Variants in FANCL observed in about 807,000 individuals in gnomAD.
FANCL encodes the protein FA complementation group L.
Under a neutral mutation model 59.4 loss-of-function variants are expected in FANCL, and 69 were observed. The ratio of observed to expected loss-of-function variants is 1.16; its 90% CI spans 0.96 to 1.42. The LOEUF (loss-of-function observed/expected upper bound fraction) is 1.42. FANCL is among the 40% of genes most tolerant of loss of function. The pLI is 0.00. For synonymous variants in FANCL, 180 were observed against 147.1 expected (o/e 1.22, Z -1.62); for missense variants, 519 against 447.2 (o/e 1.16, Z -1.45).
At chr2:58,199,429 T>C (rs891955574) in intron 6 of FANCL, among the ~76,000 whole-genome samples, 8 of 152,174 alleles carry the variant, frequency 5.3e-5, no homozygotes, top group Admixed American at 2.0e-4. Flanking sequence ...TGAATACATA[T>C]AGCTGTCAAT....
intron 7 of FANCL, among the ~76,000 whole-genome samples, chr2:58,179,825 A>G (rs1374018051): frequency 6.6e-6 from 1 of 152,192 alleles, no homozygotes; most frequent in Non-Finnish European, 1.5e-5. Flanking sequence ...TCTGCAATCT[A>G]TCCATCTGAC....
chr2:58,201,331 A>G (rs933343367), intron 6 of FANCL, among the ~76,000 whole-genome samples: 1 of 151,846 alleles, frequency 6.6e-6, no homozygotes, highest in Non-Finnish European at 1.5e-5. Context: ...CAAGTAAAAC[A>G]TAGTTCTCCA....
At chr2:58,173,430 C>T (rs1030293508) in intron 7 of FANCL, among the ~76,000 whole-genome samples, 2 of 152,192 alleles carry the variant, frequency 1.3e-5, no homozygotes, top group Non-Finnish European at 2.9e-5. Context: ...AGACTAACAG[C>T]TGATCTCTCA....
Position 58,226,733 on chromosome 2 carries a change from G to T in FANCL, c.268C>A (p.Leu90Ile). ...GAAAAAAAAAAAATTCTTACCAAAA[G>T]CATCTTCAACTCCATCATAAAGCTC... ...LMSFMMELKM[L>I]LEVALKNRQE... Residue 90 changes from leucine (L) to isoleucine (I), a missense_variant, in exon 4 of 14, where the codon CTT (leucine) becomes ATT (isoleucine). By Grantham distance (5) the Leu-to-Ile change is conservative. Transcript: ENST00000233741. 6.2e-7 allele frequency: 1 copy of T among 1,611,238 alleles called. No individual in the cohort carries two copies. The highest frequency in any genetic ancestry group is 8.5e-7 in the Non-Finnish European group (1 of 1,178,496).
intron 7 of FANCL, among the ~76,000 whole-genome samples, chr2:58,189,451 C>T (rs772321454): frequency 6.6e-6 from 1 of 151,780 alleles, no homozygotes; most frequent in African/African-American, 2.4e-5. Context: ...GTTCATACAC[C>T]CAACACTTAA....
intron 7 of FANCL, among the ~76,000 whole-genome samples, chr2:58,189,194 T>C (rs1027759701): frequency 3.9e-5 from 6 of 152,168 alleles, no homozygotes; most frequent in Non-Finnish European, 7.4e-5. Context: ...GACAATTTAA[T>C]GTGTGTAGAT....
intron 7 of FANCL, among the ~76,000 whole-genome samples, chr2:58,180,927 A>G (rs1265562712): frequency 2.0e-5 from 3 of 152,094 alleles, no homozygotes; most frequent in Admixed American, 2.0e-4. Flanking sequence ...ATAAATGTTA[A>G]TAAGGACACA....
chr2:58,237,522 T>A (rs1288249980), intron 1 of FANCL, among the ~76,000 whole-genome samples: 1 of 152,016 alleles, frequency 6.6e-6, no homozygotes, highest in East Asian at 1.9e-4. Context: ...AGATCTCATA[T>A]CAATAATCTT....
At chr2:58,222,543 A>G (rs1410161588) in intron 4 of FANCL, among the ~76,000 whole-genome samples, 1 of 152,074 alleles carries the variant, frequency 6.6e-6, no homozygotes, top group African/African-American at 2.4e-5. Context: ...TCACTGACTT[A>G]TACTCTGTAC....
chr2:58,223,494 G>C (rs1259967561), intron 4 of FANCL, among the ~76,000 whole-genome samples: 1 of 151,864 alleles, frequency 6.6e-6, no homozygotes, highest in Non-Finnish European at 1.5e-5. Flanking sequence ...TCAATCTTAG[G>C]TTTATGACAT....
intron 7 of FANCL, chr2:58,194,289 T>C: frequency 2.1e-6 from 1 of 470,934 alleles, no homozygotes; most frequent in Non-Finnish European, 4.4e-6. Context: ...CAAAAGGAAT[T>C]TCGTTTTTTT....
intron 7 of FANCL, among the ~76,000 whole-genome samples, chr2:58,188,422 T>A (rs1009880188): frequency 1.3e-5 from 2 of 152,010 alleles, no homozygotes; most frequent in African/African-American, 4.8e-5. Flanking sequence ...ATAATTCTCT[T>A]AATTTCGGGG....
chr2:58,165,963 T>G, intron 7 of FANCL, 89 bp from the exon 8 acceptor site: 1 of 1,343,128 alleles, frequency 7.4e-7, no homozygotes, highest in African/African-American at 1.5e-5. Flanking sequence ...ATTTAGAAAT[T>G]TTAAGCTGTT....
intron 7 of FANCL, among the ~76,000 whole-genome samples, chr2:58,192,586 T>C (rs1011231090): frequency 2.6e-5 from 4 of 151,994 alleles, no homozygotes; most frequent in Middle Eastern, 3.2e-3. Flanking sequence ...ATCTTCATAA[T>C]AATGTAAACA....
At chr2:58,209,194 G>A (rs756573827) in intron 5 of FANCL, among the ~76,000 whole-genome samples, 2 of 151,732 alleles carry the variant, frequency 1.3e-5, no homozygotes, top group African/African-American at 2.4e-5. Flanking sequence ...TTTTAATAAG[G>A]AATATGAAAG....
intron 4 of FANCL, among the ~76,000 whole-genome samples, chr2:58,224,321 A>G (rs1028969102): frequency 1.2e-4 from 18 of 151,852 alleles, no homozygotes; most frequent in African/African-American, 3.9e-4. Flanking sequence ...CTTTTCTCCA[A>G]TGTCAAGGAG....
At chr2:58,231,958 G>A in intron 2 of FANCL, 96 bp downstream of exon 2, 2 of 1,018,594 alleles carry the variant, frequency 2.0e-6, no homozygotes, top group African/African-American at 1.6e-5. Flanking sequence ...AAGCATTTTA[G>A]GCAAAACTCT....
chr2:58,232,152 T>A, intron 1 of FANCL, 40 bp from the exon 2 acceptor site: 1 of 1,496,960 alleles, frequency 6.7e-7, no homozygotes, highest in Non-Finnish European at 9.3e-7. Context: ...AATTTTTATC[T>A]TTCACTTAAT....
At position 58,166,111 on chromosome 2, in the gene FANCL, A is replaced by G. The variant is rs548297879; in HGVS notation, c.541-237T>C. Among the ~76,000 whole-genome samples the G allele has an allele frequency of 1.3e-3, 203 of 151,732 alleles. 3 individuals carry two copies. Among genetic ancestry groups the G allele is most frequent in the African/African-American group, 4.7e-3 (195 of 41,272 alleles). On this transcript the variant is annotated intron_variant, in intron 7 of 13. Transcript: ENST00000233741. The stretch of plus-strand genomic sequence containing the variant: ...GAGAAAGAATGGTTTTTTAAAAATC[A>G]TAATTTTTTTATTATAATGCTTGAT...
Sources: allele counts gnomAD v4.1 joint callset (sites outside exome capture counted in the v4.1 genomes callset), GRCh38; gene constraint gnomAD v4.1.1; transcripts MANE v1.5; gene names NCBI Gene and HGNC (gene_info 2026-07-23, HGNC 2026-07-21).